LAMA1: variants seen among roughly 807,000 people sequenced by gnomAD.
LAMA1 encodes the protein laminin subunit alpha 1.
In LAMA1, 219 loss-of-function variants were observed where a neutral mutation model predicts 348.7. The observed-to-expected ratio is 0.63, with a 90% CI of 0.56 to 0.70. The LOEUF (loss-of-function observed/expected upper bound fraction) is 0.70. Ranked by LOEUF, LAMA1 falls within the 30% of genes least tolerant of loss-of-function variation. LAMA1 has a pLI of 0.00. For missense variants in LAMA1, 3,744 were observed against 3,888.0 expected, an observed-to-expected ratio of 0.96 and a Z score of 0.99; for synonymous variants, 1,487 against 1,491.0, an observed-to-expected ratio of 1.00 and a Z score of 0.06.
chr18:7,033,714 T>G (rs1438602854), intron 14 of LAMA1, among the ~76,000 whole-genome samples: 3 of 151,044 alleles, frequency 2.0e-5, no homozygotes, highest in Non-Finnish European at 4.4e-5. Context: ...AAATGTGTCA[T>G]GCTATGTTTG....
intron 41 of LAMA1, 52 bp downstream of exon 41, chr18:6,982,445 G>T: frequency 6.8e-7 from 1 of 1,465,622 alleles, no homozygotes; most frequent in Non-Finnish European, 9.6e-7. Context: ...GCTGCTCAGC[G>T]AGACGCTCAC....
chr18:7,022,888 GA>G (rs1282009147), intron 19 of LAMA1, among the ~76,000 whole-genome samples: 3 of 152,178 alleles, frequency 2.0e-5, no homozygotes, highest in Non-Finnish European at 4.4e-5. Context: ...AGCAGAGCCG[GA>G]ACTCTGTCAA....
chr18:7,029,902 T>C (rs1465928783), intron 16 of LAMA1, among the ~76,000 whole-genome samples: 2 of 151,730 alleles, frequency 1.3e-5, no homozygotes, highest in African/African-American at 4.8e-5. Flanking sequence ...GGAAGCTAGA[T>C]AGTTATACGC....
intron 3 of LAMA1, among the ~76,000 whole-genome samples, chr18:7,075,634 T>C (rs1361984780): frequency 7.6e-6 from 1 of 132,096 alleles, no homozygotes; most frequent in Non-Finnish European, 1.6e-5. Flanking sequence ...AAAAAAAAAA[T>C]AACGGAAGAA....
intron 4 of LAMA1, among the ~76,000 whole-genome samples, chr18:7,049,806 T>A (rs561732607): frequency 1.3e-5 from 2 of 152,224 alleles, no homozygotes; most frequent in African/African-American, 4.8e-5. Context: ...AGATATACTA[T>A]ATACTTAAAA....
intron 1 of LAMA1, among the ~76,000 whole-genome samples, chr18:7,090,387 C>T (rs1038651838): frequency 2.0e-5 from 3 of 152,028 alleles, no homozygotes; most frequent in Non-Finnish European, 4.4e-5. Context: ...ATAAAGAGAT[C>T]TCTAACACCT....
rs149692121 is a variant in LAMA1, at chr18:7,038,842, C to T, written c.1531G>A (p.Val511Ile). 32 of 1,614,222 alleles carry T rather than the reference C, an allele frequency of 2.0e-5. No homozygotes were observed. The African/African-American group carries it at 2.9e-4, about 15-fold the overall frequency. The change falls in exon 11 of 63, where the codon GTC (valine) becomes ATC (isoleucine). Residue 511 changes from valine (V) to isoleucine (I), a missense_variant. Physicochemically the swap from Val to Ile is conservative, Grantham distance 29 (BLOSUM62 3). Coordinates refer to ENST00000389658, the MANE Select transcript of LAMA1 (RefSeq NM_005559.4). Reference sequence around the variant, plus strand: ...ACAGGCCAAGAGAGGCTGCTGCAGACATCAGAAACGCCAAAGCAGAAGCAC... The same window carrying T: ...ACAGGCCAAGAGAGGCTGCTGCAGATATCAGAAACGCCAAAGCAGAAGCAC... ...SECFCFGVSDVCSSLSWPVGQ... is the reference protein window; with the variant it reads ...SECFCFGVSDICSSLSWPVGQ...
rs192198427 is a variant in LAMA1, at chr18:7,050,817, G to A, written c.465C>T (p.Ser155=). The change falls in exon 4 of 63, where the codon AGC becomes AGT. Residue 155 remains serine (S), a synonymous_variant. Coordinates refer to ENST00000389658, the MANE Select transcript of LAMA1 (RefSeq NM_005559.4). ...TGTAACGAGACAAACACTCTGAGTCGCTGACTGCATAATACTGCCAGGGGC... is the reference window on the plus strand; with the variant it reads ...TGTAACGAGACAAACACTCTGAGTCACTGACTGCATAATACTGCCAGGGGC... The part of the protein sequence containing the change: ...TFSPWQYYAV[S]DSECLSRYNI... The A allele has an allele frequency of 1.1e-4, 185 of 1,614,122 alleles. No individual in the cohort carries two copies. The East Asian group carries it at 3.8e-3, about 33-fold the overall frequency.
chr18:7,047,921 A>G (rs1305303689), intron 5 of LAMA1, among the ~76,000 whole-genome samples: 1 of 152,240 alleles, frequency 6.6e-6, no homozygotes, highest in East Asian at 1.9e-4. Context: ...CTAAAACTAT[A>G]CAGCTACTAA....
Position 6,950,785 on chromosome 18 carries a change from G to A in LAMA1, c.8394C>T (p.His2798=). 1.9e-6 allele frequency: 3 copies of A among 1,614,006 alleles called. No homozygotes were observed. Among genetic ancestry groups the A allele is most frequent in the Non-Finnish European group, 2.5e-6 (3 of 1,179,934 alleles). ...HPALLSDGKW[H]TVKTDYVKRK... The stretch of plus-strand genomic sequence containing the variant: ...CACAAGCCTCCTGAGATCGTACCGT[G>A]TGCCACTTGCCATCACTGAGCAGTG... The change falls in exon 58 of 63, where the codon CAC becomes CAT. Residue 2798 remains histidine (H), a synonymous_variant. Coordinates refer to ENST00000389658, the MANE Select transcript of LAMA1 (RefSeq NM_005559.4).
chr18:7,084,030 G>A (rs533606356), intron 1 of LAMA1, among the ~76,000 whole-genome samples: 1 of 120,910 alleles, frequency 8.3e-6, no homozygotes, highest in African/African-American at 3.1e-5. Context: ...CTGAGATCAC[G>A]CCACTGCACT....
At chr18:6,965,757 C>T (rs943867652) in intron 49 of LAMA1, 1 of 418,282 alleles carries the variant, frequency 2.4e-6, no homozygotes, top group Non-Finnish European at 4.3e-6. Context: ...ACAGAAATCA[C>T]CAGCCCATGA....
Position 6,961,625 on chromosome 18 carries a change from C to G in LAMA1, c.7587G>C (p.Gly2529=), listed in dbSNP as rs748582836. Reference sequence around the variant, plus strand: ...CACGATCACCCCGCTTCTCCACATCCCCGCCGAGGGCAGCCAGGATGATGC... The same window carrying G: ...CACGATCACCCCGCTTCTCCACATCGCCGCCGAGGGCAGCCAGGATGATGC... ...SSGIILAALG[G]DVEKRGDREE... The change falls in exon 53 of 63, where the codon GGG becomes GGC. Residue 2529 remains glycine (G), a synonymous_variant. Coordinates refer to ENST00000389658, the MANE Select transcript of LAMA1 (RefSeq NM_005559.4). 5 of 1,614,072 alleles carry G rather than the reference C, an allele frequency of 3.1e-6. No homozygotes were observed. The highest frequency in any genetic ancestry group is 4.2e-6 in the Non-Finnish European group (5 of 1,180,040).
chr18:6,997,902 A>G lies in LAMA1; in HGVS notation c.4664-18T>C, dbSNP rs779526457. On this transcript the variant is annotated intron_variant, in intron 32 of 62. Transcript: ENST00000389658. ...ATCACAGGCTACAAGACAAATTTTT[A>G]AAAAGGAGAGTTAAAGTTAATGCGA... 1.7e-5 allele frequency: 28 copies of G among 1,613,094 alleles called. 1 individual carries two copies. The South Asian group carries it at 2.7e-4, about 16-fold the overall frequency.
chr18:7,021,682 A>C (rs2057915894), intron 19 of LAMA1, among the ~76,000 whole-genome samples: 1 of 151,356 alleles, frequency 6.6e-6, no homozygotes, highest in South Asian at 2.1e-4. Context: ...TATTATTAAA[A>C]TACATTTCAC....
rs764581574 is a variant in LAMA1, at chr18:7,015,794, A to AG, written c.3053dup (p.His1019SerfsTer8). On this transcript the variant is annotated frameshift_variant, in exon 22 of 63. Transcript: ENST00000389658. LOFTEE classifies it high-confidence loss of function. ...CTTCACACTTCACACCCTGTGTGTGAGGGGGGCAGACACACTCTCCAGTTT... is the reference window on the plus strand; with the variant it reads ...CTTCACACTTCACACCCTGTGTGTGAGGGGGGGCAGACACACTCTCCAGTTT... 6.2e-7 allele frequency: 1 copy of AG among 1,613,962 alleles called. No individual in the cohort carries two copies. Among genetic ancestry groups the AG allele is most frequent in the Non-Finnish European group, 8.5e-7 (1 of 1,179,956 alleles).
At chr18:7,055,953 G>A (rs952376984) in intron 3 of LAMA1, among the ~76,000 whole-genome samples, 9 of 152,116 alleles carry the variant, frequency 5.9e-5, no homozygotes, top group South Asian at 2.1e-4. Flanking sequence ...GGTGGCGGAC[G>A]CCTGTAGTCC....
intron 29 of LAMA1, among the ~76,000 whole-genome samples, chr18:7,005,621 C>T (rs1279357295): frequency 6.6e-6 from 1 of 152,112 alleles, no homozygotes; most frequent in Non-Finnish European, 1.5e-5. Context: ...TGGTGGCAGG[C>T]GCCTGTAATC....
intron 3 of LAMA1, among the ~76,000 whole-genome samples, chr18:7,078,332 AATT>A (rs1421100019): frequency 6.6e-6 from 1 of 150,728 alleles, no homozygotes; most frequent in African/African-American, 2.4e-5. Context: ...ACGCCCAGCT[AATT>A]TTTTGTATTT....
Sources: gnomAD v4.1 joint callset for allele counts (sites outside exome capture counted in the v4.1 genomes callset) on GRCh38, gnomAD v4.1.1 for gene constraint, MANE v1.5 for transcripts, NCBI Gene and HGNC (gene_info 2026-07-23, HGNC 2026-07-21) for gene names.